The following AIFM1 variants were observed in gnomAD, a reference collection of about 807,000 sequenced individuals.
AIFM1 encodes apoptosis inducing factor mitochondria associated 1, also known as apoptosis-inducing factor 1, mitochondrial.
In AIFM1, 3 loss-of-function variants were observed where a neutral mutation model predicts 51.7. The ratio of observed to expected loss-of-function variants is 0.06; its 90% confidence interval spans 0.03 to 0.15. The LOEUF (loss-of-function observed/expected upper bound fraction) is 0.15. Ranked by LOEUF, AIFM1 falls within the 10% of genes least tolerant of loss-of-function variation. The probability of loss-of-function intolerance (pLI) is 1.00; values close to 1 mark genes in which losing one functional copy is unlikely to be tolerated. For missense variants in AIFM1, 330 were observed against 476.8 expected, an observed-to-expected ratio of 0.69 and a Z score of 2.87; for synonymous variants, 178 against 179.4, an observed-to-expected ratio of 0.99 and a Z score of 0.06.
At chrX:130,163,041 G>A (rs2031401402) in intron 1 of AIFM1, among the ~76,000 whole-genome samples, 1 of 111,603 alleles carries the variant, frequency 9.0e-6, no homozygotes, top group Admixed American at 9.6e-5. Context: ...CGAGATAGTT[G>A]CAAGGCAGGT....
chrX:130,138,747 T>C lies in AIFM1; in HGVS notation c.859-46A>G, dbSNP rs146485565. ...AGTCCATTAATTTCCAAAAGGGGCATAGGATAATAATACTAGAAAGTAGTT... is the reference window on the plus strand; with the variant it reads ...AGTCCATTAATTTCCAAAAGGGGCACAGGATAATAATACTAGAAAGTAGTT... On this transcript the variant is annotated intron_variant, in intron 8 of 15. Coordinates refer to ENST00000287295, the MANE Select transcript of AIFM1 (RefSeq NM_004208.4). 4.2e-4 allele frequency: 377 copies of C among 904,740 alleles called. 2 individuals carry two copies. In the African/African-American group the frequency reaches 6.1e-3, roughly 15 times the overall value. The allele number at this position is 904,740 out of a possible 1,213,427, so 74.6% of individuals were successfully genotyped here.
chrX:130,160,934 TAA>T (rs1166635259), intron 1 of AIFM1, among the ~76,000 whole-genome samples: 12 of 109,773 alleles, frequency 1.1e-4, no homozygotes, highest in African/African-American at 3.3e-4. Flanking sequence ...AAAATAAACT[TAA>T]GAGTTTTTTT....
intron 6 of AIFM1, among the ~76,000 whole-genome samples, chrX:130,143,230 C>T (rs2030639508): frequency 8.9e-6 from 1 of 111,964 alleles, no homozygotes; most frequent in Non-Finnish European, 1.9e-5. Context: ...TGATTCTCAG[C>T]TCTCTATCTG....
At chrX:130,136,539 T>A in intron 11 of AIFM1, 104 bp downstream of exon 11, 1 of 742,873 alleles carries the variant, frequency 1.3e-6, no homozygotes, top group South Asian at 2.2e-5. Flanking sequence ...TAATGGCAAC[T>A]GCCAGGAAAA....
rs972332496 is a variant in AIFM1 at position 130,136,926 on chromosome X, C to T, written c.1075+152G>A. ...AATTTGGGGCATCTGATTCAGAACA[C>T]CTAGATGAACTTAGCTGACTGGAGA... On this transcript the variant is annotated intron_variant, in intron 10 of 15. Transcript: ENST00000287295. The T allele has an allele frequency of 6.3e-6, 7 of 1,114,200 alleles. No individual in the cohort carries two copies. In the African/African-American group the frequency reaches 1.1e-4, roughly 17 times the overall value. The allele number at this position is 1,114,200 out of a possible 1,213,427, so 91.8% of individuals were successfully genotyped here.
At chrX:130,142,003 T>G (rs1335045898) in intron 6 of AIFM1, among the ~76,000 whole-genome samples, 1 of 111,931 alleles carries the variant, frequency 8.9e-6, no homozygotes, top group African/African-American at 3.2e-5. Flanking sequence ...GGTTAAGAGC[T>G]TGAGCTTTGG....
intron 3 of AIFM1, among the ~76,000 whole-genome samples, chrX:130,148,253 T>G (rs2124665032): frequency 9.0e-6 from 1 of 111,593 alleles, no homozygotes; most frequent in East Asian, 2.8e-4. Context: ...CAGTTTCACC[T>G]TCCGTTAGCA....
intron 15 of AIFM1, 132 bp from the exon 16 acceptor site, chrX:130,129,760 C>T (rs917764635): frequency 1.3e-6 from 1 of 761,904 alleles, no homozygotes; most frequent in Non-Finnish European, 2.0e-6. Context: ...TCTCTACTAA[C>T]CCCAAACAAG....
intron 1 of AIFM1, among the ~76,000 whole-genome samples, chrX:130,165,104 T>C (rs900864411): frequency 2.7e-5 from 3 of 110,498 alleles, no homozygotes; most frequent in African/African-American, 6.6e-5. Context: ...TTCAAATCCA[T>C]GGATCTCATC....
At position 130,138,549 on chromosome X, in the gene AIFM1, A is replaced by G. The variant is rs1028888246; in HGVS notation, c.967+44T>C. ...TCTCTGGGATTCACAGAAAAGCTAT[A>G]TAAGACTAGAGAAAGAAAATCAAGG... On this transcript the variant is annotated intron_variant, in intron 9 of 15. Transcript: ENST00000287295. The G allele has an allele frequency of 1.2e-5, 11 of 933,661 alleles. No individual in the cohort carries two copies. In the East Asian group the frequency reaches 1.2e-4, roughly 10 times the overall value. 76.9% of individuals were successfully genotyped at this position (933,661 alleles called of 1,213,427 possible).
chrX:130,149,001 A>C (rs1218346538), intron 3 of AIFM1, among the ~76,000 whole-genome samples: 1 of 98,357 alleles, frequency 1.0e-5, no homozygotes, highest in Non-Finnish European at 2.0e-5. Context: ...GGCTCACTGC[A>C]ACCTCCGCCA....
rs111227722 is a variant in AIFM1, at chrX:130,144,996, T to A, written c.696+483A>T. Among the ~76,000 whole-genome samples, 743 of 111,680 alleles carry A rather than the reference T, an allele frequency of 6.7e-3. 1 individual carries two copies. Among genetic ancestry groups the A allele is most frequent in the Middle Eastern group, 0.028 (6 of 218 alleles). On this transcript the variant is annotated intron_variant, in intron 6 of 15. Transcript: ENST00000287295. ...CACTGCCATTAGTTTACACACACACTCTAGTACCTGCCATTAACAACAATA... is the reference window on the plus strand; with the variant it reads ...CACTGCCATTAGTTTACACACACACACTAGTACCTGCCATTAACAACAATA...
At chrX:130,165,173 G>A (rs756789299) in intron 1 of AIFM1, among the ~76,000 whole-genome samples, 4 of 103,152 alleles carry the variant, frequency 3.9e-5, no homozygotes, top group Non-Finnish European at 5.8e-5. Flanking sequence ...TTAGGCGTAG[G>A]GCTTAAACGT....
At chrX:130,144,603 T>G (rs1300447881) in intron 6 of AIFM1, among the ~76,000 whole-genome samples, 1 of 111,693 alleles carries the variant, frequency 9.0e-6, no homozygotes, top group African/African-American at 3.3e-5. Flanking sequence ...GATTGCCCAT[T>G]CTGTAAGACC....
chrX:130,135,322 AG>A (rs1246953541), intron 12 of AIFM1, among the ~76,000 whole-genome samples: 1 of 109,123 alleles, frequency 9.2e-6, no homozygotes, highest in Non-Finnish European at 1.9e-5. Context: ...CCTGATCTCA[AG>A]TGATCCACCT....
rs147206884 is a variant in AIFM1, at chrX:130,129,594, T to C, written c.1805A>G (p.Asn602Ser). ...IKDGEQHEDL[N>S]EVAKLFNIHE... ...AATGTTGAATAGTTTGGCTACTTCA[T>C]TGAGATCTTCATGCTGCTCACCGTC... Residue 602 changes from asparagine (N) to serine (S), a missense_variant, in exon 16 of 16, where the codon AAT becomes AGT. Transcript: ENST00000287295. The C allele has an allele frequency of 9.1e-6, 11 of 1,211,143 alleles. No individual in the cohort carries two copies. The highest frequency in any genetic ancestry group is 2.3e-4 in the Middle Eastern group (1 of 4,354).
In AIFM1 at chrX:130,147,539, C is replaced by T. The variant is rs754899184; in HGVS notation, c.559G>A (p.Val187Ile). The T allele has an allele frequency of 1.8e-5, 22 of 1,210,588 alleles. No homozygotes were observed. Among genetic ancestry groups the T allele is most frequent in the Non-Finnish European group, 2.3e-5 (21 of 895,388 alleles). ...TGTTTGAATCGCAGTGTCTTTGTGA[C>T]ATTTGGGTCATCTGAAAACCACAGT... ...KELWFSDDPN[V>I]TKTLRFKQWN... is the part of the protein sequence containing the mutation. Residue 187 changes from valine (V) to isoleucine (I), a missense_variant, in exon 5 of 16, where the codon GTC becomes ATC. Physicochemically the swap from Val to Ile is conservative, Grantham distance 29 (BLOSUM62 3). Around this residue, in one of 4 missense-constraint regions of AIFM1, gnomAD observed 152 missense variants for 292.8 expected, o/e 0.52. Transcript: ENST00000287295.
At position 130,129,872 on chromosome X, in the gene AIFM1, G is replaced by A. The variant is rs759628578; in HGVS notation, c.1770+98C>T. On this transcript the variant is annotated intron_variant, in intron 15 of 15. Transcript: ENST00000287295. ...TTCTGCTCAGGCACAATTTGACCTG[G>A]CCGGGGGACAATGCATCTCAGGGCA... is the stretch of plus-strand genomic sequence containing the variant. The A allele has an allele frequency of 1.7e-4, 179 of 1,035,431 alleles. No individual in the cohort carries two copies. Among genetic ancestry groups the A allele is most frequent in the Middle Eastern group, 2.9e-4 (1 of 3,422 alleles). The allele number at this position is 1,035,431 out of a possible 1,213,427, so 85.3% of individuals were successfully genotyped here. A position where few individuals can be genotyped will look rare whatever the true frequency, so the allele number is the denominator to read the frequency against.
chrX:130,144,735 T>C (rs2030692628), intron 6 of AIFM1, among the ~76,000 whole-genome samples: 2 of 112,496 alleles, frequency 1.8e-5, no homozygotes, highest in South Asian at 7.4e-4. Context: ...TATGTATTTA[T>C]GTTTCTGCCT....
Sources: allele counts gnomAD v4.1 joint callset (sites outside exome capture counted in the v4.1 genomes callset), GRCh38; gene constraint gnomAD v4.1.1; regional missense constraint gnomAD v4.1.1; transcripts MANE v1.5; gene names NCBI Gene and HGNC (gene_info 2026-07-23, HGNC 2026-07-21).